NME7: variants seen among roughly 807,000 people sequenced by gnomAD.
The protein encoded by NME7 is nucleoside diphosphate kinase 7.
Under a neutral mutation model 49.1 loss-of-function variants are expected in NME7, and 41 were observed. The ratio of observed to expected loss-of-function variants is 0.83; its 90% confidence interval spans 0.65 to 1.08. The LOEUF is 1.08. Ranked by LOEUF, NME7 falls within the 50% of genes least tolerant of loss-of-function variation. NME7 has a pLI of 0.00. For missense variants in NME7, 423 were observed against 463.4 expected, an observed-to-expected ratio of 0.91 and a Z score of 0.80; for synonymous variants, 139 against 150.6, an observed-to-expected ratio of 0.92 and a Z score of 0.56.
intron 10 of NME7, among the ~76,000 whole-genome samples, chr1:169,229,629 T>C (rs565664109): frequency 3.9e-5 from 6 of 152,224 alleles, no homozygotes; most frequent in Non-Finnish European, 8.8e-5. Flanking sequence ...GATGATTTCT[T>C]AATAGATGCT....
At position 169,192,520 on chromosome 1, in the gene NME7, G is replaced by GACTT. The variant is rs374508162; in HGVS notation, c.991-22970_991-22967dup. The stretch of plus-strand genomic sequence containing the variant: ...AATTACTACACTATTTTATATCAGG[G>GACTT]ACTTGAGCATCTCAGATTTTGATAT... On this transcript the variant is annotated intron_variant, in intron 10 of 11. Transcript: ENST00000367811. Among the ~76,000 whole-genome samples, 1,354 of 152,200 alleles carry GACTT rather than the reference G, an allele frequency of 8.9e-3. 14 individuals carry two copies. Among genetic ancestry groups the GACTT allele is most frequent in the African/African-American group, 0.031 (1,283 of 41,530 alleles).
chr1:169,136,376 G>A (rs1319151434), intron 11 of NME7, among the ~76,000 whole-genome samples: 1 of 152,186 alleles, frequency 6.6e-6, no homozygotes, highest in Non-Finnish European at 1.5e-5. Context: ...AATAGATGGA[G>A]AAGTCCATGC....
intron 10 of NME7, among the ~76,000 whole-genome samples, chr1:169,228,326 C>G (rs2101815761): frequency 6.6e-6 from 1 of 152,108 alleles, no homozygotes; most frequent in South Asian, 2.1e-4. Context: ...GTTTTTATCT[C>G]TTTAATTTAC....
chr1:169,205,041 T>C (rs1660637182), intron 10 of NME7, among the ~76,000 whole-genome samples: 1 of 152,146 alleles, frequency 6.6e-6, no homozygotes, highest in South Asian at 2.1e-4. Context: ...AGGAAGCCTA[T>C]AAATATATAT....
At chr1:169,201,102 GCACTTGTAGTCC>G (rs1409487003) in intron 10 of NME7, among the ~76,000 whole-genome samples, 1 of 151,992 alleles carries the variant, frequency 6.6e-6, no homozygotes, top group African/African-American at 2.4e-5. Context: ...GTGGCGGCAC[GCACTTGTAGTCC>G]CAGCTACTTG....
chr1:169,261,958 A>G (rs1047454358), intron 7 of NME7, among the ~76,000 whole-genome samples: 3 of 134,030 alleles, frequency 2.2e-5, no homozygotes, highest in African/African-American at 7.6e-5. Flanking sequence ...CAACCACATG[A>G]AGGACTTAAG....
At chr1:169,219,002 T>TTC (rs1410385373) in intron 10 of NME7, among the ~76,000 whole-genome samples, 1 of 152,200 alleles carries the variant, frequency 6.6e-6, no homozygotes, top group Non-Finnish European at 1.5e-5. Context: ...TGAAGGCAGA[T>TTC]GGGAGGAGCT....
rs1648915543 is a variant in NME7 at position 169,256,028 on chromosome 1, G to A, written c.755-18341C>T. ...CCTTCATTTCAACTTTGGTGAATCT[G>A]ACCATTATGTGTCTTGGAGTTGCTC... On this transcript the variant is annotated intron_variant, in intron 7 of 11. Transcript: ENST00000367811. Among the ~76,000 whole-genome samples the A allele has an allele frequency of 1.5e-5, 2 of 132,748 alleles. 1 individual carries two copies. The highest frequency in any genetic ancestry group is 3.5e-5 in the Non-Finnish European group (2 of 56,668). The allele number at this position is 132,748 out of a possible 152,430, so 87.1% of individuals were successfully genotyped here.
chr1:169,171,829 T>C (rs745746062), intron 10 of NME7, among the ~76,000 whole-genome samples: 2 of 151,744 alleles, frequency 1.3e-5, no homozygotes. Context: ...TCTTTTTTTT[T>C]ATGAGTTCTC....
chr1:169,173,194 T>C (rs1041369558), intron 10 of NME7, among the ~76,000 whole-genome samples: 1 of 152,178 alleles, frequency 6.6e-6, no homozygotes, highest in African/African-American at 2.4e-5. Flanking sequence ...AAGACAAGGA[T>C]AAAATAGAAT....
intron 10 of NME7, among the ~76,000 whole-genome samples, chr1:169,193,329 T>C (rs1571280155): frequency 6.6e-6 from 1 of 152,152 alleles, no homozygotes; most frequent in East Asian, 1.9e-4. Context: ...AGTGGTAGGA[T>C]TGTTTCACTG....
chr1:169,235,108 T>C (rs1302385082), intron 9 of NME7, 23 bp downstream of exon 9: 1 of 1,344,664 alleles, frequency 7.4e-7, no homozygotes, highest in Admixed American at 2.0e-5. Flanking sequence ...GTACAAATGT[T>C]TTACATTTAC....
chr1:169,346,041 A>C (rs1277724781), intron 1 of NME7, among the ~76,000 whole-genome samples: 1 of 152,092 alleles, frequency 6.6e-6, no homozygotes, highest in East Asian at 1.9e-4. Context: ...TGCAAAACAT[A>C]TACACATTCT....
chr1:169,344,200 GTA>G (rs1652876989), intron 1 of NME7, among the ~76,000 whole-genome samples: 1 of 152,128 alleles, frequency 6.6e-6, no homozygotes, highest in Non-Finnish European at 1.5e-5. Flanking sequence ...GTTCATTATA[GTA>G]TATGGAAATA....
chr1:169,226,013 G>T (rs924262697), intron 10 of NME7, among the ~76,000 whole-genome samples: 1 of 152,018 alleles, frequency 6.6e-6, no homozygotes, highest in Admixed American at 6.6e-5. Context: ...TTAGTACCAG[G>T]TGTTAGGTAT....
chr1:169,284,960 T>C (rs1470024443), intron 7 of NME7: 1 of 152,150 alleles, frequency 6.6e-6, no homozygotes, highest in Non-Finnish European at 1.5e-5. Context: ...GTGTCAAGGA[T>C]AAGCTTTTTA....
At chr1:169,235,236 C>CA (rs1263886607) in intron 8 of NME7, 37 bp from the exon 9 acceptor site, 1 of 1,156,912 alleles carries the variant, frequency 8.6e-7, no homozygotes, top group East Asian at 2.6e-5. Flanking sequence ...AACCATAAAC[C>CA]AACCAACAAA....
At chr1:169,355,897 C>G (rs749692797) in intron 1 of NME7, among the ~76,000 whole-genome samples, 1 of 152,120 alleles carries the variant, frequency 6.6e-6, no homozygotes, top group African/African-American at 2.4e-5. Context: ...CAGTGCCTGG[C>G]ACTCAAGAGA....
chr1:169,245,672 T>C (rs1436599355), intron 7 of NME7, among the ~76,000 whole-genome samples: 7 of 152,168 alleles, frequency 4.6e-5, no homozygotes, highest in African/African-American at 1.7e-4. Flanking sequence ...TATGATTTCC[T>C]TTAAAATTTA....
Sources: allele counts gnomAD v4.1 joint callset (sites outside exome capture counted in the v4.1 genomes callset), GRCh38; gene constraint gnomAD v4.1.1; transcripts MANE v1.5; gene names NCBI Gene and HGNC (gene_info 2026-07-23, HGNC 2026-07-21).